The following DCLK1 variants were observed in gnomAD, a reference collection of about 807,000 sequenced individuals.
DCLK1 encodes the protein serine/threonine-protein kinase DCLK1.
DCLK1 carries 16 observed loss-of-function variants against 86.2 expected under a neutral mutation model. The observed-to-expected ratio is 0.19, with a 90% confidence interval of 0.13 to 0.28. The LOEUF is 0.28. Ranked by LOEUF, DCLK1 falls within the 10% of genes least tolerant of loss-of-function variation. DCLK1 has a pLI of 1.00. For synonymous variants in DCLK1, 369 were observed against 370.5 expected (o/e 1.00, Z 0.05); for missense variants, 590 against 940.2 (o/e 0.63, Z 4.87).
intron 4 of DCLK1, among the ~76,000 whole-genome samples, chr13:35,881,332 G>C (rs529041798): frequency 6.6e-6 from 1 of 152,116 alleles, no homozygotes; most frequent in Non-Finnish European, 1.5e-5. Flanking sequence ...TGAAATGTGC[G>C]CCTCTAACCA....
At chr13:35,932,525 T>A (rs995367532) in intron 4 of DCLK1, among the ~76,000 whole-genome samples, 2 of 152,214 alleles carry the variant, frequency 1.3e-5, no homozygotes, top group African/African-American at 4.8e-5. Flanking sequence ...CAGTTCCACA[T>A]GGCTGGGGAA....
At chr13:35,884,502 A>G (rs1446269435) in intron 4 of DCLK1, among the ~76,000 whole-genome samples, 1 of 152,240 alleles carries the variant, frequency 6.6e-6, no homozygotes, top group East Asian at 1.9e-4. Context: ...TAGAAAATGA[A>G]TAAGAATTCC....
At chr13:36,082,909 A>G (rs985007020) in intron 3 of DCLK1, among the ~76,000 whole-genome samples, 1 of 152,166 alleles carries the variant, frequency 6.6e-6, no homozygotes, top group African/African-American at 2.4e-5. Context: ...CTGCAGTTAG[A>G]AAAAGGCAAT....
chr13:36,099,637 C>T (rs576010681), intron 3 of DCLK1, among the ~76,000 whole-genome samples: 1 of 152,314 alleles, frequency 6.6e-6, no homozygotes, highest in East Asian at 1.9e-4. Context: ...AACAAGTCTA[C>T]AAGGACTTGC....
At chr13:36,006,252 G>A (rs981465764) in intron 3 of DCLK1, among the ~76,000 whole-genome samples, 1 of 152,188 alleles carries the variant, frequency 6.6e-6, no homozygotes, top group Non-Finnish European at 1.5e-5. Context: ...AAATGTGAAT[G>A]AAGACAAGCA....
chr13:35,992,052 C>T (rs981075147), intron 3 of DCLK1, among the ~76,000 whole-genome samples: 15 of 152,048 alleles, frequency 9.9e-5, no homozygotes, highest in African/African-American at 3.6e-4. Flanking sequence ...GTTTAATTGC[C>T]TCTCTGAAAA....
intron 2 of DCLK1, among the ~76,000 whole-genome samples, chr13:36,119,906 A>G (rs1359585137): frequency 6.6e-6 from 1 of 152,186 alleles, no homozygotes; most frequent in Non-Finnish European, 1.5e-5. Flanking sequence ...TGTTCATTGC[A>G]CCATGATTGT....
intron 4 of DCLK1, among the ~76,000 whole-genome samples, chr13:35,903,579 T>A (rs1023842198): frequency 6.6e-6 from 1 of 152,148 alleles, no homozygotes; most frequent in African/African-American, 2.4e-5. Flanking sequence ...CTTTAATATT[T>A]TCTAAGGAAC....
intron 4 of DCLK1, among the ~76,000 whole-genome samples, chr13:35,927,042 CT>C (rs1269113362): frequency 1.3e-5 from 2 of 152,330 alleles, no homozygotes; most frequent in African/African-American, 4.8e-5. Flanking sequence ...TGCTAGTTGA[CT>C]TTGGGCCCTC....
At chr13:36,056,633 AAAAG>A (rs1379413830) in intron 3 of DCLK1, among the ~76,000 whole-genome samples, 4 of 145,294 alleles carry the variant, frequency 2.8e-5, no homozygotes, top group Admixed American at 1.4e-4. Flanking sequence ...AAAAAAAAAA[AAAAG>A]AAAGAAATTC....
intron 3 of DCLK1, among the ~76,000 whole-genome samples, chr13:36,023,901 C>CTTTTTTTT (rs59071937): frequency 7.8e-6 from 1 of 128,530 alleles, no homozygotes; most frequent in Admixed American, 8.4e-5. Context: ...TTCTTTCTTT[C>CTTTTTTTT]TTTTTTTTTT....
chr13:35,816,310 G>A (rs2087264943), intron 11 of DCLK1, among the ~76,000 whole-genome samples: 1 of 152,082 alleles, frequency 6.6e-6, no homozygotes, highest in African/African-American at 2.4e-5. Context: ...TCATATTTTG[G>A]GACATGGACT....
chr13:35,936,157 G>T (rs149503398), intron 4 of DCLK1, among the ~76,000 whole-genome samples: 2 of 152,120 alleles, frequency 1.3e-5, no homozygotes, highest in African/African-American at 4.8e-5. Context: ...ATTTCAAGGA[G>T]GGAATCATCA....
intron 4 of DCLK1, among the ~76,000 whole-genome samples, chr13:35,897,171 G>A (rs1874056679): frequency 6.6e-6 from 1 of 152,112 alleles, no homozygotes; most frequent in Non-Finnish European, 1.5e-5. Context: ...CATTTAAAGA[G>A]GATGGGAGAA....
rs541560856 is a variant in DCLK1, at chr13:36,117,781, C to T, written c.377-5566G>A. Among the ~76,000 whole-genome samples the T allele has an allele frequency of 3.3e-5, 5 of 152,264 alleles. No individual in the cohort carries two copies. The South Asian group carries it at 1.0e-3, about 32-fold the overall frequency. On this transcript the variant is annotated intron_variant, in intron 2 of 16. Coordinates refer to ENST00000360631, the MANE Select transcript of DCLK1 (RefSeq NM_001330071.2). ...AGGGAAAGAAACCTAAGTCAGGAGA[C>T]TATCTTCAAATAGGTTAGAAAGCAA...
chr13:35,900,844 G>A lies in DCLK1; in HGVS notation c.824-29504C>T, dbSNP rs115914865. ...GAGAAGGGCCGGATTATAGAATGTG[G>A]AAATAAAAATTCCGTGCATGGAGTC... On this transcript the variant is annotated intron_variant, in intron 4 of 16. Coordinates refer to ENST00000360631, the MANE Select transcript of DCLK1 (RefSeq NM_001330071.2). 5.3e-3 allele frequency among the ~76,000 whole-genome samples: 804 copies of A among 152,284 alleles called. 10 individuals are homozygous for A. Among genetic ancestry groups the A allele is most frequent in the African/African-American group, 0.018 (756 of 41,558 alleles).
intron 4 of DCLK1, among the ~76,000 whole-genome samples, chr13:35,919,713 C>G (rs1875675951): frequency 6.6e-6 from 1 of 151,928 alleles, no homozygotes; most frequent in African/African-American, 2.4e-5. Context: ...ATAATTCCAG[C>G]ACTTTAGGAG....
At chr13:35,783,777 G>A (rs968543203) in intron 16 of DCLK1, among the ~76,000 whole-genome samples, 2 of 151,924 alleles carry the variant, frequency 1.3e-5, no homozygotes, top group African/African-American at 2.4e-5. Flanking sequence ...GTAGAGACGG[G>A]GTTTCACCAT....
At chr13:36,076,695 C>T (rs73182143) in intron 3 of DCLK1, among the ~76,000 whole-genome samples, 24,451 of 152,116 alleles carry the variant, frequency 0.16, 2,263 homozygotes, top group Non-Finnish European at 0.21. Context: ...GTTCCTGATG[C>T]CAGGGAAGAA....
Sources: gnomAD v4.1 joint callset for allele counts (sites outside exome capture counted in the v4.1 genomes callset) on GRCh38, gnomAD v4.1.1 for gene constraint, MANE v1.5 for transcripts, NCBI Gene and HGNC (gene_info 2026-07-23, HGNC 2026-07-21) for gene names.